The following CELF2 variants were observed in gnomAD, a reference collection of about 807,000 sequenced individuals.
The protein encoded by CELF2 is CUGBP Elav-like family member 2, also known as CUG triplet repeat RNA-binding protein 2.
Under a neutral mutation model 62.6 loss-of-function variants are expected in CELF2, and 8 were observed. The observed-to-expected ratio is 0.13, with a 90% CI of 0.07 to 0.23. CELF2 has a LOEUF of 0.23. Among genes scored for constraint, CELF2 ranks in the 10% least tolerant of loss-of-function variants. The pLI is 1.00. For missense variants in CELF2, 333 were observed against 671.0 expected, an observed-to-expected ratio of 0.50 and a Z score of 5.56; for synonymous variants, 258 against 250.0, an observed-to-expected ratio of 1.03 and a Z score of -0.30.
intron 1 of CELF2, among the ~76,000 whole-genome samples, chr10:10,830,138 A>G (rs1403548654): frequency 1.3e-5 from 2 of 151,602 alleles, no homozygotes; most frequent in African/African-American, 4.9e-5. Flanking sequence ...GTTGTATAAG[A>G]CTCCTCTTTT....
the CELF2 span, among the ~76,000 whole-genome samples, chr10:10,487,438 C>T: frequency 6.6e-6 from 1 of 152,136 alleles, no homozygotes; most frequent in Non-Finnish European, 1.5e-5. Flanking sequence ...GGTTCTAAAG[C>T]TTTGTACATT....
the CELF2 span, among the ~76,000 whole-genome samples, chr10:10,534,793 G>C: frequency 6.6e-6 from 1 of 152,128 alleles, no homozygotes; most frequent in Admixed American, 6.6e-5. Context: ...TGGTCTAAAA[G>C]AATTGATGCA....
At chr10:11,278,654 C>T (rs1035251187) in intron 8 of CELF2, among the ~76,000 whole-genome samples, 5 of 152,302 alleles carry the variant, frequency 3.3e-5, no homozygotes, top group Admixed American at 1.3e-4. Flanking sequence ...AAAAATCATG[C>T]AGCTGTCCTC....
the CELF2 span, among the ~76,000 whole-genome samples, chr10:10,706,572 A>C: frequency 6.6e-6 from 1 of 152,200 alleles, no homozygotes; most frequent in Non-Finnish European, 1.5e-5. Context: ...AAAAGAAATG[A>C]GATCCTCCAA....
the CELF2 span, among the ~76,000 whole-genome samples, chr10:10,729,408 G>A: frequency 2.6e-5 from 4 of 152,176 alleles, no homozygotes; most frequent in Admixed American, 6.5e-5. Context: ...GTTTTTCCTC[G>A]CAACGGCTGC....
At chr10:10,678,310 C>T in the CELF2 span, among the ~76,000 whole-genome samples, 8 of 151,668 alleles carry the variant, frequency 5.3e-5, no homozygotes, top group Admixed American at 2.0e-4. Context: ...TTACTGTGAC[C>T]GTATTACAGC....
chr10:10,668,873 G>A, the CELF2 span, among the ~76,000 whole-genome samples: 6 of 152,118 alleles, frequency 3.9e-5, no homozygotes, highest in African/African-American at 1.4e-4. Flanking sequence ...CAGGAAAATT[G>A]CTTGAATCCA....
intron 2 of CELF2, among the ~76,000 whole-genome samples, chr10:10,924,723 G>GTTTTTTTT (rs751311320): frequency 4.1e-5 from 1 of 24,514 alleles, no homozygotes; most frequent in Non-Finnish European, 6.8e-5. Flanking sequence ...TAACTTGATC[G>GTTTTTTTT]CTTTTTTTTT....
In CELF2 at chr10:11,039,888, G is replaced by A. The variant is rs1239441239; in HGVS notation, c.74+21725G>A. Among the ~76,000 whole-genome samples the A allele has an allele frequency of 6.6e-6, 1 of 152,138 alleles. No individual in the cohort carries two copies. The highest frequency in any genetic ancestry group is 1.5e-5 in the Non-Finnish European group (1 of 68,030). ...CATTGGAATGTGGTATGTGTTGGGG[G>A]TGGGATCTTCCTGTTTGTTTTTGTC... On this transcript the variant is annotated intron_variant, in intron 1 of 12. Coordinates refer to ENST00000633077, the MANE Select transcript of CELF2 (RefSeq NM_001326342.2). The surrounding 1 kb of genome is among the most constrained non-coding windows in gnomAD (Gnocchi z 4.1).
At chr10:10,506,308 G>C in the CELF2 span, among the ~76,000 whole-genome samples, 1 of 142,218 alleles carries the variant, frequency 7.0e-6, no homozygotes. Flanking sequence ...GTGTATCTGT[G>C]TCTGTGTCTA....
chr10:11,004,551 A>G (rs952406536), upstream of CELF2, among the ~76,000 whole-genome samples: 2 of 152,122 alleles, frequency 1.3e-5, no homozygotes, highest in African/African-American at 4.8e-5. The surrounding 1 kb of genome is among the most constrained non-coding windows in gnomAD (Gnocchi z 5.0). Flanking sequence ...CTGGTAGGAA[A>G]GCAGATTTTT....
At chr10:10,811,782 C>T (rs1221657164) in intron 1 of CELF2, among the ~76,000 whole-genome samples, 1 of 152,132 alleles carries the variant, frequency 6.6e-6, no homozygotes, top group African/African-American at 2.4e-5. Context: ...GAAACTACGT[C>T]TTCAAATGTG....
the CELF2 span, among the ~76,000 whole-genome samples, chr10:10,773,353 T>A: frequency 1.3e-5 from 2 of 152,236 alleles, no homozygotes; most frequent in Non-Finnish European, 2.9e-5. Flanking sequence ...CTGTAACTTT[T>A]CAAACCCGAA....
chr10:11,256,044 G>C (rs138134468), intron 4 of CELF2, among the ~76,000 whole-genome samples: 2 of 152,202 alleles, frequency 1.3e-5, no homozygotes, highest in Non-Finnish European at 2.9e-5. Flanking sequence ...AAATCTTTTG[G>C]AGACAGACAG....
At chr10:10,956,354 G>A (rs114537886) in intron 2 of CELF2, among the ~76,000 whole-genome samples, 38 of 152,288 alleles carry the variant, frequency 2.5e-4, no homozygotes, top group African/African-American at 7.2e-4. Context: ...TTCCTGTCAC[G>A]AGGGGGAAGT....
chr10:11,018,902 G>T (rs1267776795), intron 1 of CELF2: 1 of 152,336 alleles, frequency 6.6e-6, no homozygotes, highest in Admixed American at 6.5e-5. Context: ...AGGGCGGGGG[G>T]ATAATTATAA....
chr10:11,172,927 A>C (rs1281615356), intron 2 of CELF2, among the ~76,000 whole-genome samples: 2 of 152,224 alleles, frequency 1.3e-5, no homozygotes, highest in Non-Finnish European at 2.9e-5. Flanking sequence ...CTTCTTTGGT[A>C]GAAATGTGAC....
chr10:10,666,875 A>G, the CELF2 span, among the ~76,000 whole-genome samples: 2 of 75,372 alleles, frequency 2.7e-5, no homozygotes, highest in East Asian at 2.9e-4. Context: ...AAAAAAAAAA[A>G]AAAAGAAAAA....
chr10:11,116,323 G>C (rs904377331), intron 1 of CELF2, among the ~76,000 whole-genome samples: 5 of 152,174 alleles, frequency 3.3e-5, no homozygotes, highest in Admixed American at 6.5e-5. Context: ...AGAGATGCCT[G>C]AGTCTGTTGA....
Sources: gnomAD v4.1 joint callset for allele counts (sites outside exome capture counted in the v4.1 genomes callset) on GRCh38, gnomAD v4.1.1 for gene constraint, Gnocchi (gnomAD v3.1) non-coding constraint, MANE v1.5 for transcripts, NCBI Gene and HGNC (gene_info 2026-07-23, HGNC 2026-07-21) for gene names.